TMPRSS3: variants seen among roughly 807,000 people sequenced by gnomAD.
TMPRSS3 encodes the protein transmembrane serine protease 3.
A neutral mutation model predicts 59.6 loss-of-function variants in TMPRSS3; 55 were observed. The observed-to-expected ratio is 0.92, with a 90% CI of 0.74 to 1.16. The LOEUF is 1.16. Among genes scored for constraint, TMPRSS3 ranks in the 50% most tolerant of loss-of-function variants. TMPRSS3 has a pLI of 0.00. For missense variants in TMPRSS3, 596 were observed against 579.4 expected (o/e 1.03, Z -0.29); for synonymous variants, 257 against 237.7 (o/e 1.08, Z -0.75).
chr21:42,383,540 C>T (rs1195661916), intron 7 of TMPRSS3: 5 of 514,250 alleles, frequency 9.7e-6, no homozygotes, highest in Non-Finnish European at 1.8e-5. Context: ...CTGCAGCCCC[C>T]TCCTCACTGC....
At chr21:42,382,687 C>A in intron 8 of TMPRSS3, 1 of 423,524 alleles carries the variant, frequency 2.4e-6, no homozygotes, top group Non-Finnish European at 4.4e-6. Context: ...CCCGCACCAC[C>A]GTCTCACCCT....
In TMPRSS3 at chr21:42,375,844, A is replaced by G. The variant is rs773780151; in HGVS notation, c.1216T>C (p.Cys406Arg). Reference sequence around the variant, plus strand: ...AACTTCCACAGCCTCCTCTCTTGACACACCAGGGGCCCCCCGCTGTCCCCC... The same window carrying G: ...AACTTCCACAGCCTCCTCTCTTGACGCACCAGGGGCCCCCCGCTGTCCCCC... Reference protein sequence around the residue: ...CQGDSGGPLVCQERRLWKLVG... With the variant: ...CQGDSGGPLVRQERRLWKLVG... Residue 406 changes from cysteine (C) to arginine (R), a missense_variant, in exon 12 of 13, where the codon TGT (cysteine) becomes CGT (arginine). Cys to Arg is a radical substitution (Grantham distance 180, BLOSUM62 -3). Coordinates refer to ENST00000644384, the MANE Select transcript of TMPRSS3 (RefSeq NM_001256317.3). 1.6e-5 allele frequency: 26 copies of G among 1,613,624 alleles called. No homozygotes were observed. The South Asian group carries it at 2.7e-4, about 17-fold the overall frequency.
In TMPRSS3 at chr21:42,376,562, C is replaced by T. The variant is rs140620963; in HGVS notation, c.1170G>A (p.Thr390=). ...SPSMLCAGYL[T]GGVDSCQGDS... is the part of the protein sequence containing the mutation. ...GTACCTGGCAGCTGTCCACGCCACC[C>T]GTCAGGTAGCCCGCGCAGAGCATGG... Residue 390 remains threonine, a synonymous_variant, in exon 11 of 13, where the codon ACG becomes ACA. Coordinates refer to ENST00000644384, the MANE Select transcript of TMPRSS3 (RefSeq NM_001256317.3). The T allele has an allele frequency of 4.6e-5, 74 of 1,613,510 alleles. No homozygotes were observed. The highest frequency in any genetic ancestry group is 1.7e-4 in the Admixed American group (10 of 60,012).
At chr21:42,376,157 G>T (rs915201095) in intron 11 of TMPRSS3, among the ~76,000 whole-genome samples, 6 of 152,186 alleles carry the variant, frequency 3.9e-5, no homozygotes, top group African/African-American at 1.4e-4. Flanking sequence ...GTGAGAGGGA[G>T]GGTCCACCTG....
chr21:42,376,770 G>A (rs2052437649), intron 10 of TMPRSS3, 87 bp from the exon 11 acceptor site: 2 of 1,594,500 alleles, frequency 1.3e-6, no homozygotes, highest in Non-Finnish European at 8.6e-7. Context: ...GGGGGGTGAG[G>A]GAACGAGGGA....
chr21:42,383,308 C>T lies in TMPRSS3; in HGVS notation c.617-110G>A, dbSNP rs982611228. ...CTCCCCACCCTCACTGCCCCTGCTC[C>T]CAGAGCTCACAGCAGCTCTAAGACA... On this transcript the variant is annotated intron_variant, in intron 7 of 12. Coordinates refer to ENST00000644384, the MANE Select transcript of TMPRSS3 (RefSeq NM_001256317.3). 4 of 1,170,910 alleles carry T rather than the reference C, an allele frequency of 3.4e-6. No individual in the cohort carries two copies. In the African/African-American group the frequency reaches 6.1e-5, roughly 18 times the overall value. The allele number at this position is 1,170,910 out of a possible 1,614,324, so 72.5% of individuals were successfully genotyped here. A position where few individuals can be genotyped will look rare whatever the true frequency, so the allele number is the denominator to read the frequency against.
rs1452331318 is a variant in TMPRSS3, at chr21:42,372,259, A to C, written c.*503T>G. 4.5e-6 allele frequency: 2 copies of C among 445,422 alleles called. No individual in the cohort carries two copies. The highest frequency in any genetic ancestry group is 9.0e-6 in the Non-Finnish European group (2 of 221,434). The allele number at this position is 445,422 out of a possible 1,614,324, so 27.6% of individuals were successfully genotyped here. On this transcript the variant is annotated 3_prime_UTR_variant, in exon 13 of 13. Coordinates refer to ENST00000644384, the MANE Select transcript of TMPRSS3 (RefSeq NM_001256317.3). Reference sequence around the variant, plus strand: ...TTGCTGCTTCTTTTGTTCTTAGTGAAGATCAGAAAGGAGCGTGAGGCTAGG... The same window carrying C: ...TTGCTGCTTCTTTTGTTCTTAGTGACGATCAGAAAGGAGCGTGAGGCTAGG...
At chr21:42,377,862 C>T (rs761515161) in intron 10 of TMPRSS3, among the ~76,000 whole-genome samples, 3 of 152,232 alleles carry the variant, frequency 2.0e-5, no homozygotes, top group Non-Finnish European at 4.4e-5. Flanking sequence ...TACATCAGGA[C>T]AGGGGCTCGT....
intron 11 of TMPRSS3, 34 bp from the exon 12 acceptor site, chr21:42,375,902 C>G (rs754958412): frequency 6.2e-7 from 1 of 1,611,844 alleles, no homozygotes; most frequent in Non-Finnish European, 8.5e-7. Flanking sequence ...GATTGGGGGA[C>G]AGTCACCGCC....
At chr21:42,395,763 A>G (rs2052797876) in intron 1 of TMPRSS3, 179 bp downstream of exon 1, 1 of 397,270 alleles carries the variant, frequency 2.5e-6, no homozygotes, top group African/African-American at 2.1e-5. Context: ...CGATTGCTTT[A>G]GAGGGACTCC....
intron 9 of TMPRSS3, among the ~76,000 whole-genome samples, chr21:42,381,551 C>G (rs2052528839): frequency 6.6e-6 from 1 of 152,238 alleles, no homozygotes; most frequent in African/African-American, 2.4e-5. Context: ...GGATGACTCT[C>G]TTCCACCACC....
chr21:42,376,936 C>T (rs760671977), intron 10 of TMPRSS3, among the ~76,000 whole-genome samples: 5 of 152,144 alleles, frequency 3.3e-5, no homozygotes, highest in Non-Finnish European at 5.9e-5. Flanking sequence ...GCAGGGCCAC[C>T]GACTCCCCTA....
Position 42,389,038 on chromosome 21 carries a change from G to C in TMPRSS3, c.213C>G (p.Phe71Leu). The change falls in exon 4 of 13, where the codon TTC becomes TTG. Residue 71 changes from phenylalanine (F) to leucine (L), a missense_variant. By Grantham distance (22) the Phe-to-Leu change is conservative (BLOSUM62 0). Transcript: ENST00000644384. The stretch of plus-strand genomic sequence containing the variant: ...GACATCTGTACTTCCCTGAGCAGTC[G>C]AAGTGGACTGGGAAAAGGGAGGAAG... ...LALAIGLGIH[F>L]DCSGKYRCRS... is the part of the protein sequence containing the mutation. The C allele has an allele frequency of 2.5e-6, 4 of 1,614,090 alleles. No individual in the cohort carries two copies. Among genetic ancestry groups the C allele is most frequent in the Non-Finnish European group, 3.4e-6 (4 of 1,180,004 alleles).
Position 42,388,972 on chromosome 21 carries a change from G to A in TMPRSS3, c.279C>T (p.Asp93=), listed in dbSNP as rs145824109. Residue 93 remains aspartate (D), a synonymous_variant, in exon 4 of 13, where the codon GAC becomes GAT. Transcript: ENST00000644384. The surrounding 1 kb of genome is among the most constrained non-coding windows in gnomAD (Gnocchi z 5.1). ...FKCIELIARC[D]GVSDCKDGED... is the part of the protein sequence containing the mutation. ...CCCCGTCTTTGCAATCCGAGACTCC[G>A]TCACATCGAGCTATCAGCTCGATAC... 1.8e-4 allele frequency: 284 copies of A among 1,614,036 alleles called. 1 individual carries two copies. Among genetic ancestry groups the A allele is most frequent in the East Asian group, 8.5e-4 (38 of 44,902 alleles).
intron 7 of TMPRSS3, chr21:42,383,487 G>A (rs766255861): frequency 2.0e-5 from 11 of 555,276 alleles, no homozygotes; most frequent in Non-Finnish European, 3.2e-5. Context: ...TATTCCCCCA[G>A]TGATGACAAC....
At chr21:42,390,119 T>C in intron 2 of TMPRSS3, 82 bp from the exon 3 acceptor site, 1 of 1,048,100 alleles carries the variant, frequency 9.5e-7, no homozygotes. Context: ...AACTATCCTT[T>C]CCCCCTCCCC....
In TMPRSS3 at chr21:42,372,695, G is replaced by A. The variant is rs1368207968; in HGVS notation, c.*67C>T. 2 of 1,568,970 alleles carry A rather than the reference G, an allele frequency of 1.3e-6. No homozygotes were observed. The highest frequency in any genetic ancestry group is 1.8e-6 in the Non-Finnish European group (2 of 1,139,064). ...CTCGTGTGCAGGTTCCTACACGGGA[G>A]TCCAGGGGAGGATCGGGCTGTCTTC... On this transcript the variant is annotated 3_prime_UTR_variant, in exon 13 of 13. Coordinates refer to ENST00000644384, the MANE Select transcript of TMPRSS3 (RefSeq NM_001256317.3).
chr21:42,385,591 C>T, intron 5 of TMPRSS3, 57 bp from the exon 6 acceptor site: 4 of 1,606,244 alleles, frequency 2.5e-6, no homozygotes, highest in South Asian at 1.1e-5. Context: ...TTGAAGCATT[C>T]AACCGATGTG....
chr21:42,373,539 T>C (rs954756592), intron 12 of TMPRSS3, among the ~76,000 whole-genome samples: 9 of 152,188 alleles, frequency 5.9e-5, no homozygotes, highest in African/African-American at 1.9e-4. Flanking sequence ...TGCAACACAT[T>C]CACCAGGGTC....
Sources: allele counts gnomAD v4.1 joint callset (sites outside exome capture counted in the v4.1 genomes callset), GRCh38; gene constraint gnomAD v4.1.1; non-coding constraint Gnocchi (gnomAD v3.1); transcripts MANE v1.5; gene names NCBI Gene and HGNC (gene_info 2026-07-23, HGNC 2026-07-21).